The following PRPF8 variants were observed in gnomAD, a reference collection of about 807,000 sequenced individuals.
PRPF8 encodes the protein pre-mRNA-processing-splicing factor 8.
A neutral mutation model predicts 285.9 loss-of-function variants in PRPF8; 64 were observed. The observed-to-expected ratio is 0.22, with a 90% CI of 0.18 to 0.28. The LOEUF is 0.28. Among genes scored for constraint, PRPF8 ranks in the 10% least tolerant of loss-of-function variants. The pLI, the probability that PRPF8 is intolerant of heterozygous loss-of-function variation, is 1.00. For missense variants in PRPF8, 1,426 were observed against 3,026.7 expected (o/e 0.47, Z 12.41); for synonymous variants, 1,325 against 1,118.2 (o/e 1.18, Z -3.69).
At chr17:1,654,423 T>C (rs553667321) in intron 37 of PRPF8, 1 of 354,438 alleles carries the variant, frequency 2.8e-6, no homozygotes, top group South Asian at 2.7e-5. Flanking sequence ...GAGGAAGGTG[T>C]GTGTGTGTGT....
Position 1,661,551 on chromosome 17 carries a change from A to G in PRPF8, c.4202+60T>C, listed in dbSNP as rs1911678634. Reference sequence around the variant, plus strand: ...GGCATGCTCTGACCCTGAACTCCACACGGTTCAAAGGCCACCACTGCCCCT... The same window carrying G: ...GGCATGCTCTGACCCTGAACTCCACGCGGTTCAAAGGCCACCACTGCCCCT... On this transcript the variant is annotated intron_variant, in intron 26 of 42. Coordinates refer to ENST00000304992, the MANE Select transcript of PRPF8 (RefSeq NM_006445.4). This position sits in a 1 kb window ranked among gnomAD's most constrained non-coding sequence, Gnocchi z 7.3. 3 of 1,610,328 alleles carry G rather than the reference A, an allele frequency of 1.9e-6. No homozygotes were observed. The highest frequency in any genetic ancestry group is 1.7e-6 in the Non-Finnish European group (2 of 1,178,970).
rs1911971221 is a variant in PRPF8 at position 1,666,143 on chromosome 17, G to C, written c.3775-3990C>G. Among the ~76,000 whole-genome samples, 4 of 150,672 alleles carry C rather than the reference G, an allele frequency of 2.7e-5. No individual in the cohort carries two copies. In the South Asian group the frequency reaches 8.3e-4, roughly 31 times the overall value. On this transcript the variant is annotated intron_variant, in intron 24 of 42. Transcript: ENST00000304992. ...ATCGCGCCACTGCACTCCAACCTGAGTGACAGGGCGAGACTCTGTCTCAAA... is the reference window on the plus strand; with the variant it reads ...ATCGCGCCACTGCACTCCAACCTGACTGACAGGGCGAGACTCTGTCTCAAA...
At chr17:1,652,112 T>C (rs1462354579) in intron 39 of PRPF8, 6 of 467,068 alleles carry the variant, frequency 1.3e-5, no homozygotes, top group Admixed American at 1.0e-4. Context: ...GCTGAAAACA[T>C]CTGGAAAACC....
At chr17:1,681,399 G>A in intron 6 of PRPF8, 79 bp downstream of exon 6, 2 of 1,440,566 alleles carry the variant, frequency 1.4e-6, no homozygotes, top group South Asian at 1.1e-5. Flanking sequence ...TAATTTGGAA[G>A]TTATATCAGG....
chr17:1,673,998 C>G lies in PRPF8; in HGVS notation c.3300-106G>C, dbSNP rs565815143. 1 of 1,238,598 alleles carries G rather than the reference C, an allele frequency of 8.1e-7. No homozygotes were observed. Among genetic ancestry groups the G allele is most frequent in the South Asian group, 1.2e-5 (1 of 81,968 alleles). The allele number at this position is 1,238,598 out of a possible 1,614,324, so 76.7% of individuals were successfully genotyped here. On this transcript the variant is annotated intron_variant, in intron 21 of 42. Transcript: ENST00000304992. The surrounding 1 kb of genome is among the most constrained non-coding windows in gnomAD (Gnocchi z 5.5). ...GAGACCCCACCCCATCCTACCCCCA[C>G]CCTCCCCGGGCTTCATTCCATTTTA...
Position 1,673,786 on chromosome 17 carries a change from G to C in PRPF8, c.3406C>G (p.Arg1136Gly). Residue 1136 changes from arginine to glycine, a missense_variant, in exon 22 of 43, where the codon CGA becomes GGA. Physicochemically the swap from Arg to Gly is moderately radical, Grantham distance 125 (BLOSUM62 -2). Around this residue, in one of 34 missense-constraint regions of PRPF8, gnomAD observed 148 missense variants for 196.2 expected, o/e 0.75. Transcript: ENST00000304992. The surrounding 1 kb of genome is among the most constrained non-coding windows in gnomAD (Gnocchi z 5.5). ...VGYNNKKCWPRDARMRLMKHD... is the reference protein window; with the variant it reads ...VGYNNKKCWPGDARMRLMKHD... ...TTCATGAGGCGCATGCGGGCATCTCGGGGCCAGCACTTCTTGTTATTATAG... is the reference window on the plus strand; with the variant it reads ...TTCATGAGGCGCATGCGGGCATCTCCGGGCCAGCACTTCTTGTTATTATAG... 6.2e-7 allele frequency: 1 copy of C among 1,614,082 alleles called. No individual in the cohort carries two copies. Among genetic ancestry groups the C allele is most frequent in the Non-Finnish European group, 8.5e-7 (1 of 1,180,032 alleles).
rs988412944 is a variant in PRPF8 at position 1,651,015 on chromosome 17, C to T, written c.6854-59G>A. On this transcript the variant is annotated intron_variant, in intron 42 of 42. Coordinates refer to ENST00000304992, the MANE Select transcript of PRPF8 (RefSeq NM_006445.4). This position sits in a 1 kb window ranked among gnomAD's most constrained non-coding sequence, Gnocchi z 5.1. ...GGCTCCTGCCTCATGCAGCCTGCGC[C>T]ACCTCCAAGCCAGCCAGGCCCCAAG... 17 of 1,613,978 alleles carry T rather than the reference C, an allele frequency of 1.1e-5. No homozygotes were observed. Among genetic ancestry groups the T allele is most frequent in the Admixed American group, 8.3e-5 (5 of 60,008 alleles).
At chr17:1,663,299 AT>A (rs1261546582) in intron 24 of PRPF8, among the ~76,000 whole-genome samples, 1 of 151,922 alleles carries the variant, frequency 6.6e-6, no homozygotes, top group African/African-American at 2.4e-5. Context: ...AGAAAAAATA[AT>A]TTAAAAAAAA....
chr17:1,661,041 T>C lies in PRPF8; in HGVS notation c.4460A>G (p.His1487Arg). ...GAAGTAAGTGCCCTTAAAGAGTGTG[T>C]GTTCCAGAATGCCTTCCACACCGCC... Reference protein sequence around the residue: ...ALGGVEGILEHTLFKGTYFPT... With the variant: ...ALGGVEGILERTLFKGTYFPT... Residue 1487 changes from histidine (H) to arginine (R), a missense_variant, in exon 28 of 43, where the codon CAC becomes CGC. This residue lies in a region of PRPF8 where 23 missense variants were observed against 43.6 expected (regional missense o/e 0.53). Transcript: ENST00000304992. This position sits in a 1 kb window ranked among gnomAD's most constrained non-coding sequence, Gnocchi z 7.3. 1 of 1,614,148 alleles carries C rather than the reference T, an allele frequency of 6.2e-7. No individual in the cohort carries two copies. The highest frequency in any genetic ancestry group is 8.5e-7 in the Non-Finnish European group (1 of 1,180,016).
chr17:1,661,536 G>A lies in PRPF8; in HGVS notation c.4202+75C>T. On this transcript the variant is annotated intron_variant, in intron 26 of 42. Transcript: ENST00000304992. The surrounding 1 kb of genome is among the most constrained non-coding windows in gnomAD (Gnocchi z 7.3). Reference sequence around the variant, plus strand: ...CCTCCATACAACCATGGCATGCTCTGACCCTGAACTCCACACGGTTCAAAG... The same window carrying A: ...CCTCCATACAACCATGGCATGCTCTAACCCTGAACTCCACACGGTTCAAAG... 1 of 1,609,374 alleles carries A rather than the reference G, an allele frequency of 6.2e-7. No individual in the cohort carries two copies. Among genetic ancestry groups the A allele is most frequent in the South Asian group, 1.1e-5 (1 of 90,888 alleles).
At chr17:1,680,191 C>T (rs1005070250) in intron 8 of PRPF8, among the ~76,000 whole-genome samples, 4 of 152,086 alleles carry the variant, frequency 2.6e-5, no homozygotes, top group African/African-American at 7.2e-5. Context: ...ACATAGTGTA[C>T]GATTCTATTT....
At chr17:1,666,769 T>C (rs1912012296) in intron 24 of PRPF8, among the ~76,000 whole-genome samples, 1 of 151,956 alleles carries the variant, frequency 6.6e-6, no homozygotes, top group Non-Finnish European at 1.5e-5. Flanking sequence ...CAAATGGTAT[T>C]CAGACAAGCA....
rs980410038 is a variant in PRPF8, at chr17:1,662,205, G to A, written c.3775-52C>T. On this transcript the variant is annotated intron_variant, in intron 24 of 42. Transcript: ENST00000304992. ...TTACAGATGAGCCAGGGGCGGGGAG[G>A]GTGGAGACTACTTGATGCAGTTAGT... is the stretch of plus-strand genomic sequence containing the variant. 3.7e-6 allele frequency: 6 copies of A among 1,603,396 alleles called. No individual in the cohort carries two copies. In the East Asian group the frequency reaches 6.7e-5, roughly 18 times the overall value.
intron 24 of PRPF8, among the ~76,000 whole-genome samples, chr17:1,666,398 A>T (rs1255046313): frequency 6.6e-6 from 1 of 151,908 alleles, no homozygotes; most frequent in African/African-American, 2.4e-5. Context: ...AATACAAAGA[A>T]AAATCAGCCA....
chr17:1,670,669 T>C (rs1482822598), intron 24 of PRPF8, among the ~76,000 whole-genome samples: 2 of 152,172 alleles, frequency 1.3e-5, no homozygotes, highest in Non-Finnish European at 2.9e-5. Flanking sequence ...ATATTTTAAG[T>C]AGAGATGGGG....
At chr17:1,664,527 C>T (rs79224167) in intron 24 of PRPF8, among the ~76,000 whole-genome samples, 1 of 152,238 alleles carries the variant, frequency 6.6e-6, no homozygotes, top group Non-Finnish European at 1.5e-5. Flanking sequence ...TCAGCCTCAG[C>T]CAGGTGCAGT....
intron 34 of PRPF8, among the ~76,000 whole-genome samples, chr17:1,657,042 G>A (rs1046638920): frequency 6.6e-6 from 1 of 152,106 alleles, no homozygotes; most frequent in African/African-American, 2.4e-5. Context: ...AGGCTACTAG[G>A]ATCAGAAAAA....
chr17:1,678,953 A>C, intron 11 of PRPF8, 64 bp downstream of exon 11: 2 of 1,613,740 alleles, frequency 1.2e-6, no homozygotes, highest in Admixed American at 3.3e-5. Context: ...CTTCATCAGT[A>C]ACCAGAGGAA....
rs1231836953 is a variant in PRPF8 at position 1,674,534 on chromosome 17, A to T, written c.3207T>A (p.Asn1069Lys). The change falls in exon 21 of 43, where the codon AAT (asparagine) becomes AAA (lysine). Residue 1069 changes from asparagine to lysine, a missense_variant. Asn to Lys is a moderately conservative substitution (Grantham distance 94, BLOSUM62 0). This residue lies in a region of PRPF8 where 148 missense variants were observed against 196.2 expected (regional missense o/e 0.75). Coordinates refer to ENST00000304992, the MANE Select transcript of PRPF8 (RefSeq NM_006445.4). ...CTATGTCCTGGAAACTGAGAAAGTC[A>T]TTTGGCATCTGAGGGGGCCCAGCCA... The part of the protein sequence containing the change: ...SEMAGPPQMP[N>K]DFLSFQDIAT... 6.2e-7 allele frequency: 1 copy of T among 1,614,154 alleles called. No individual in the cohort carries two copies. Among genetic ancestry groups the T allele is most frequent in the South Asian group, 1.1e-5 (1 of 91,084 alleles).
Sources: allele counts gnomAD v4.1 joint callset (sites outside exome capture counted in the v4.1 genomes callset), GRCh38; gene constraint gnomAD v4.1.1; regional missense constraint gnomAD v4.1.1; non-coding constraint Gnocchi (gnomAD v3.1); transcripts MANE v1.5; gene names NCBI Gene and HGNC (gene_info 2026-07-23, HGNC 2026-07-21).